Variants in FSTL5 observed in about 807,000 individuals in gnomAD.
The protein encoded by FSTL5 is follistatin like 5.
A neutral mutation model predicts 89.1 loss-of-function variants in FSTL5; 62 were observed. That is an observed-to-expected ratio of 0.70 (90% CI 0.57 to 0.86). The LOEUF (loss-of-function observed/expected upper bound fraction) is 0.86, where lower values mean the gene tolerates loss of function less well. Among genes scored for constraint, FSTL5 ranks in the 40% least tolerant of loss-of-function variants. The pLI, the probability that FSTL5 is intolerant of heterozygous loss-of-function variation, is 0.00. For missense variants in FSTL5, 1,057 were observed against 1,001.6 expected, an observed-to-expected ratio of 1.06 and a Z score of -0.75; for synonymous variants, 383 against 346.2, an observed-to-expected ratio of 1.11 and a Z score of -1.18.
At chr4:161,640,820 A>G (rs915883499) in intron 7 of FSTL5, among the ~76,000 whole-genome samples, 4 of 133,676 alleles carry the variant, frequency 3.0e-5, no homozygotes, top group African/African-American at 1.7e-4. Context: ...ACAAACTCCA[A>G]GTAAGATGAA....
chr4:161,671,019 A>G (rs1442110130), intron 6 of FSTL5, among the ~76,000 whole-genome samples: 3 of 152,206 alleles, frequency 2.0e-5, no homozygotes, highest in African/African-American at 7.2e-5. Context: ...TGAACAGAAA[A>G]TTACAAAAAA....
intron 10 of FSTL5, among the ~76,000 whole-genome samples, chr4:161,527,089 C>G (rs1731248505): frequency 6.6e-6 from 1 of 152,188 alleles, no homozygotes; most frequent in Non-Finnish European, 1.5e-5. Context: ...GAATGTTCTT[C>G]CATTTGTTTG....
chr4:161,699,483 C>T (rs1738299404), intron 6 of FSTL5, among the ~76,000 whole-genome samples: 1 of 152,150 alleles, frequency 6.6e-6, no homozygotes, highest in South Asian at 2.1e-4. Flanking sequence ...TTCTAGAGAC[C>T]ACTGTGTTTA....
At chr4:162,057,677 C>T (rs1738589687) in intron 2 of FSTL5, among the ~76,000 whole-genome samples, 1 of 152,160 alleles carries the variant, frequency 6.6e-6, no homozygotes, top group African/African-American at 2.4e-5. Context: ...GGTGTGGTGG[C>T]TAATGCCTGT....
chr4:161,755,942 G>A (rs1007247379), intron 6 of FSTL5, among the ~76,000 whole-genome samples: 17 of 151,914 alleles, frequency 1.1e-4, no homozygotes, highest in African/African-American at 4.1e-4. Context: ...GTAATTTTAT[G>A]GAGAGAGATA....
At chr4:161,565,921 G>A (rs1732783137) in intron 8 of FSTL5, among the ~76,000 whole-genome samples, 1 of 150,510 alleles carries the variant, frequency 6.6e-6, no homozygotes, top group Admixed American at 6.7e-5. Flanking sequence ...TTTTTCTTTG[G>A]GTATATATGT....
chr4:162,043,036 T>G (rs972295245), intron 2 of FSTL5: 2 of 151,760 alleles, frequency 1.3e-5, no homozygotes, highest in Admixed American at 6.6e-5. Context: ...GCATGGCACA[T>G]GTATACATAT....
At chr4:161,948,470 T>G (rs529839506) in intron 3 of FSTL5, among the ~76,000 whole-genome samples, 1 of 139,838 alleles carries the variant, frequency 7.2e-6, no homozygotes, top group Non-Finnish European at 1.5e-5. Flanking sequence ...TGAACGGAAT[T>G]TTTTTCTTTT....
At chr4:161,648,367 T>C (rs1472484656) in intron 7 of FSTL5, among the ~76,000 whole-genome samples, 1 of 152,142 alleles carries the variant, frequency 6.6e-6, no homozygotes, top group African/African-American at 2.4e-5. Context: ...TATGCTCCTG[T>C]AGAGGTTTGA....
At chr4:161,491,672 C>T (rs1729879816) in intron 12 of FSTL5, among the ~76,000 whole-genome samples, 1 of 152,040 alleles carries the variant, frequency 6.6e-6, no homozygotes. Flanking sequence ...GAAACCCCGT[C>T]TCTACTAAAA....
chr4:161,403,390 A>G (rs573331141), intron 15 of FSTL5, among the ~76,000 whole-genome samples: 120 of 152,316 alleles, frequency 7.9e-4, no homozygotes, highest in African/African-American at 2.8e-3. Flanking sequence ...GCTTTTAAAA[A>G]TTTAAAGAAC....
intron 4 of FSTL5, among the ~76,000 whole-genome samples, chr4:161,781,661 A>G (rs1440998045): frequency 6.6e-6 from 1 of 152,108 alleles, no homozygotes; most frequent in African/African-American, 2.4e-5. Flanking sequence ...TCCCCAACAC[A>G]TGCAGCTCTT....
chr4:161,834,785 C>A (rs1258288824), intron 4 of FSTL5, among the ~76,000 whole-genome samples: 8 of 152,020 alleles, frequency 5.3e-5, no homozygotes, highest in African/African-American at 1.7e-4. Context: ...CAAACCACTG[C>A]TCGAGGAAAT....
chr4:162,142,076 C>T (rs1245676710), intron 1 of FSTL5, among the ~76,000 whole-genome samples: 1 of 152,034 alleles, frequency 6.6e-6, no homozygotes, highest in African/African-American at 2.4e-5. Flanking sequence ...TGCCTAACAT[C>T]CTACAATGTG....
intron 3 of FSTL5, among the ~76,000 whole-genome samples, chr4:161,940,797 C>G (rs1363981418): frequency 6.6e-6 from 1 of 151,522 alleles, no homozygotes; most frequent in East Asian, 1.9e-4. Context: ...GGACTCTAGA[C>G]AATTACTCAA....
At chr4:161,491,186 A>G (rs958403915) in intron 12 of FSTL5, among the ~76,000 whole-genome samples, 1 of 152,068 alleles carries the variant, frequency 6.6e-6, no homozygotes, top group Non-Finnish European at 1.5e-5. Context: ...CTTGAAAACA[A>G]TATTGAGAAT....
At chr4:161,470,080 G>T (rs1733882764) in intron 13 of FSTL5, among the ~76,000 whole-genome samples, 1 of 151,830 alleles carries the variant, frequency 6.6e-6, no homozygotes, top group Admixed American at 6.6e-5. Flanking sequence ...TATTATCTTT[G>T]AATGAATAAT....
At chr4:161,901,814 A>G (rs1733373068) in intron 4 of FSTL5, among the ~76,000 whole-genome samples, 1 of 152,128 alleles carries the variant, frequency 6.6e-6, no homozygotes, top group East Asian at 1.9e-4. Flanking sequence ...GTGCGCCTGT[A>G]GTCCCAGCTA....
chr4:161,673,348 C>T lies in FSTL5; in HGVS notation c.728-16854G>A, dbSNP rs117325720. On this transcript the variant is annotated intron_variant, in intron 6 of 15. Transcript: ENST00000306100. ...AACTTTTATGTTAATTCAATAGTTG[C>T]AGTAAGTTACTCAGTTTTGTAAATA... is the stretch of plus-strand genomic sequence containing the variant. Among the ~76,000 whole-genome samples, 920 of 151,966 alleles carry T rather than the reference C, an allele frequency of 6.1e-3. 9 individuals carry two copies. The highest frequency in any genetic ancestry group is 0.046 in the South Asian group (220 of 4,826).
Sources: gnomAD v4.1 joint callset for allele counts (sites outside exome capture counted in the v4.1 genomes callset) on GRCh38, gnomAD v4.1.1 for gene constraint, MANE v1.5 for transcripts, NCBI Gene and HGNC (gene_info 2026-07-23, HGNC 2026-07-21) for gene names.